DRC3: variants seen among roughly 807,000 people sequenced by gnomAD.
DRC3 encodes the protein leucine rich repeat containing 48.
Under a neutral mutation model 57.6 loss-of-function variants are expected in DRC3, and 45 were observed. The observed-to-expected ratio is 0.78, with a 90% CI of 0.62 to 1.00. DRC3 has a LOEUF of 1.00. Among genes scored for constraint, DRC3 ranks in the 50% least tolerant of loss-of-function variants. The pLI is 0.00. For synonymous variants in DRC3, 257 were observed against 272.3 expected, an observed-to-expected ratio of 0.94 and a Z score of 0.55; for missense variants, 655 against 675.2, an observed-to-expected ratio of 0.97 and a Z score of 0.33.
rs540178549 is a variant in DRC3, at chr17:17,994,280, A to C, written c.592-19A>C. On this transcript the variant is annotated intron_variant, in intron 6 of 13. Coordinates refer to ENST00000399187, the MANE Select transcript of DRC3 (RefSeq NM_031294.4). ...CGGAGGAACCTCTGGTAACAATGCC[A>C]CTCCCGTTCCCTGGTCAGAAAAAGC... is the stretch of plus-strand genomic sequence containing the variant. 1 of 1,550,690 alleles carries C rather than the reference A, an allele frequency of 6.4e-7. No homozygotes were observed. The highest frequency in any genetic ancestry group is 8.7e-7 in the Non-Finnish European group (1 of 1,146,588).
At chr17:18,006,976 C>G (rs371243472) in intron 11 of DRC3, 48 bp from the exon 12 acceptor site, 2 of 1,607,554 alleles carry the variant, frequency 1.2e-6, no homozygotes, top group African/African-American at 1.3e-5. Flanking sequence ...GCATCAGGGA[C>G]GCGCCGGGCC....
chr17:17,995,129 T>A lies in DRC3; in HGVS notation c.824+18T>A. ...CTTGAGACATATCCTTCTGAGTTCA[T>A]GGCTGTCTCAGAGCCTCTGCCACCA... On this transcript the variant is annotated intron_variant, in intron 8 of 13. Coordinates refer to ENST00000399187, the MANE Select transcript of DRC3 (RefSeq NM_031294.4). 6.3e-7 allele frequency: 1 copy of A among 1,581,300 alleles called. No homozygotes were observed. The highest frequency in any genetic ancestry group is 1.1e-5 in the South Asian group (1 of 90,110).
At chr17:17,996,499 C>A (rs1185826704) in intron 8 of DRC3, among the ~76,000 whole-genome samples, 2 of 152,184 alleles carry the variant, frequency 1.3e-5, no homozygotes, top group Non-Finnish European at 2.9e-5. Context: ...ATCATGAGAA[C>A]AGCACAGGAA....
At chr17:17,974,465 G>A (rs1048660093) in intron 2 of DRC3, among the ~76,000 whole-genome samples, 80 of 152,206 alleles carry the variant, frequency 5.3e-4, no homozygotes, top group African/African-American at 1.8e-3. Context: ...TCCGCCTCCC[G>A]GTTTCAAGCG....
At chr17:18,000,194 C>CTG (rs34656211) in intron 9 of DRC3, among the ~76,000 whole-genome samples, 651 of 63,870 alleles carry the variant, frequency 0.01, 3 homozygotes, top group South Asian at 0.018. Flanking sequence ...TTGCTTTCCT[C>CTG]TGTGTGTGTG....
chr17:17,986,863 C>T (rs1218732052), intron 4 of DRC3, among the ~76,000 whole-genome samples: 1 of 152,192 alleles, frequency 6.6e-6, no homozygotes, highest in Non-Finnish European at 1.5e-5. Flanking sequence ...ATTGGTGTTC[C>T]AGGACAAGAT....
At chr17:18,007,289 C>G (rs1202494711) in intron 12 of DRC3, 142 bp downstream of exon 12, 4 of 1,170,524 alleles carry the variant, frequency 3.4e-6, no homozygotes, top group Non-Finnish European at 3.7e-6. Context: ...ACCTGCTTTA[C>G]AGGGTTGCTG....
At chr17:17,984,587 C>G (rs1015055270) in intron 4 of DRC3, among the ~76,000 whole-genome samples, 3 of 152,146 alleles carry the variant, frequency 2.0e-5, no homozygotes, top group Non-Finnish European at 4.4e-5. Context: ...CTGAGAGCTC[C>G]TTATGCCCTG....
chr17:17,984,889 C>T (rs1322140302), intron 4 of DRC3, among the ~76,000 whole-genome samples: 1 of 152,156 alleles, frequency 6.6e-6, no homozygotes, highest in Non-Finnish European at 1.5e-5. Flanking sequence ...ATAGCAAACC[C>T]ACAGGCAGGG....
intron 5 of DRC3, among the ~76,000 whole-genome samples, chr17:17,989,923 G>A (rs911447716): frequency 6.6e-6 from 1 of 152,214 alleles, no homozygotes; most frequent in African/African-American, 2.4e-5. Context: ...CTGAGCCCCT[G>A]CGGCAAACAA....
rs529635255 is a variant in DRC3 at position 18,011,531 on chromosome 17, T to G, written c.1326+4384T>G. 6.4e-5 allele frequency: 11 copies of G among 172,578 alleles called. No homozygotes were observed. In the South Asian group the frequency reaches 1.2e-3, roughly 18 times the overall value. The allele number at this position is 172,578 out of a possible 1,614,324, so 10.7% of individuals were successfully genotyped here. ...TGCTGCGGCTCTGTGCTGCTGCACC[T>G]TATTCCTGCACCCAGGGGCACTGGC... On this transcript the variant is annotated intron_variant, in intron 12 of 13. Coordinates refer to ENST00000399187, the MANE Select transcript of DRC3 (RefSeq NM_031294.4).
Position 18,004,364 on chromosome 17 carries a change from G to C in DRC3, c.1001G>C (p.Ser334Thr), listed in dbSNP as rs1353658198. ...TAAAGTGCAGTCTATTGTTTCTAGA[G>C]TTTAAGTGCCATTCGAGAGGAGTTG... ...IAKFEEKHLS[S>T]LSAIREELEL... is the part of the protein sequence containing the mutation. The change falls in exon 10 of 14, where the codon AGT becomes ACT. Residue 334 changes from serine (S) to threonine (T), a missense_variant and splice_region_variant. Physicochemically the swap from Ser to Thr is moderately conservative, Grantham distance 58. Coordinates refer to ENST00000399187, the MANE Select transcript of DRC3 (RefSeq NM_031294.4). 4 of 1,600,654 alleles carry C rather than the reference G, an allele frequency of 2.5e-6. No homozygotes were observed. In the Admixed American group the frequency reaches 6.9e-5, roughly 28 times the overall value.
chr17:17,978,337 T>C (rs2042487359), intron 3 of DRC3, among the ~76,000 whole-genome samples: 2 of 152,080 alleles, frequency 1.3e-5, no homozygotes, highest in Admixed American at 6.5e-5. Flanking sequence ...GTCATCCCTG[T>C]CTCGAGCATT....
chr17:18,016,041 A>G (rs768670340), intron 12 of DRC3, 23 bp from the exon 13 acceptor site: 5 of 1,611,632 alleles, frequency 3.1e-6, no homozygotes, highest in African/African-American at 2.7e-5. Context: ...ACACTTTCTC[A>G]TTGGATTCTT....
intron 5 of DRC3, among the ~76,000 whole-genome samples, chr17:17,990,096 G>A (rs2043157682): frequency 6.6e-6 from 1 of 152,182 alleles, no homozygotes; most frequent in South Asian, 2.1e-4. Context: ...GGGCTTCCTT[G>A]TCTGCATCTA....
intron 2 of DRC3, among the ~76,000 whole-genome samples, chr17:17,976,768 C>T (rs1038042931): frequency 7.9e-5 from 12 of 152,166 alleles, no homozygotes; most frequent in Non-Finnish European, 1.2e-4. Flanking sequence ...TCTCATGAGG[C>T]CTGGACCTAG....
intron 4 of DRC3, among the ~76,000 whole-genome samples, chr17:17,986,426 G>T (rs2042959937): frequency 1.3e-5 from 2 of 151,904 alleles, no homozygotes; most frequent in South Asian, 2.1e-4. Flanking sequence ...ATGCGGAGGA[G>T]GCTATATTAA....
chr17:17,988,467 A>G (rs7207821), intron 5 of DRC3: 80,198 of 196,476 alleles, frequency 0.41, 18,117 homozygotes, highest in East Asian at 0.87. Flanking sequence ...ACCAGCACAC[A>G]CCCCCATAGT....
At chr17:17,998,195 G>A (rs1171279185) in intron 9 of DRC3, among the ~76,000 whole-genome samples, 1 of 152,150 alleles carries the variant, frequency 6.6e-6, no homozygotes, top group Non-Finnish European at 1.5e-5. Context: ...CCCTAGGGGC[G>A]CCTTATCTCA....
Sources: gnomAD v4.1 joint callset for allele counts (sites outside exome capture counted in the v4.1 genomes callset) on GRCh38, gnomAD v4.1.1 for gene constraint, MANE v1.5 for transcripts, NCBI Gene and HGNC (gene_info 2026-07-23, HGNC 2026-07-21) for gene names.